FLT4: variants seen among roughly 807,000 people sequenced by gnomAD.
FLT4 encodes fms related receptor tyrosine kinase 4.
FLT4 carries 30 observed loss-of-function variants against 163.2 expected under a neutral mutation model. That is an observed-to-expected ratio of 0.18 (90% CI 0.14 to 0.25). The LOEUF is 0.25. Among genes scored for constraint, FLT4 ranks in the 10% least tolerant of loss-of-function variants. The pLI, the probability that FLT4 is intolerant of heterozygous loss-of-function variation, is 1.00. For missense variants in FLT4, 1,510 were observed against 1,863.8 expected (o/e 0.81, Z 3.50); for synonymous variants, 884 against 789.5 (o/e 1.12, Z -2.01).
chr5:180,626,024 G>C lies in FLT4; in HGVS notation c.1266C>G (p.Pro422=). 6.2e-7 allele frequency: 1 copy of C among 1,612,696 alleles called. No individual in the cohort carries two copies. The highest frequency in any genetic ancestry group is 8.5e-7 in the Non-Finnish European group (1 of 1,179,982). ...ISLELVVNVP[P]QIHEKEASSP... is the part of the protein sequence containing the mutation. ...AGGAGGCCTCCTTCTCATGTATCTG[G>C]GGGGGCACTGTGGGCACACAGATGG... is the stretch of plus-strand genomic sequence containing the variant. The change falls in exon 10 of 30, where the codon CCC becomes CCG. Residue 422 remains proline (P), a synonymous_variant. Coordinates refer to ENST00000261937, the MANE Select transcript of FLT4 (RefSeq NM_182925.5).
In FLT4 at chr5:180,622,924, C is replaced by T. The variant is rs1229844031; in HGVS notation, c.1549-85G>A. The T allele has an allele frequency of 3.4e-5, 18 of 522,604 alleles. No homozygotes were observed. In the Admixed American group the frequency reaches 5.1e-4, roughly 15 times the overall value. 32.4% of individuals were successfully genotyped at this position (522,604 alleles called of 1,614,324 possible). A position where few individuals can be genotyped will look rare whatever the true frequency, so the allele number is the denominator to read the frequency against. ...GTCTTTCTGCAAGGAGGTCGCTGTG[C>T]ACCACCCCCCCCAATCATGGGGGAA... On this transcript the variant is annotated intron_variant, in intron 11 of 29. Coordinates refer to ENST00000261937, the MANE Select transcript of FLT4 (RefSeq NM_182925.5).
intron 28 of FLT4, 45 bp downstream of exon 28, chr5:180,609,860 C>T (rs1330621130): frequency 3.1e-6 from 5 of 1,612,456 alleles, no homozygotes; most frequent in Non-Finnish European, 3.4e-6. Flanking sequence ...GAGGCGGCCC[C>T]AGCCCTGAGC....
chr5:180,616,562 G>C, intron 22 of FLT4, 73 bp from the exon 23 acceptor site: 1 of 1,572,534 alleles, frequency 6.4e-7, no homozygotes, highest in African/African-American at 1.3e-5. Context: ...CGAAACTCCA[G>C]GGTGCCCAAG....
Position 180,608,973 on chromosome 5 carries a change from GC to G in FLT4, c.3887del (p.Gly1296AlafsTer13). On this transcript the variant is annotated frameshift_variant, in exon 29 of 30. Coordinates refer to ENST00000261937, the MANE Select transcript of FLT4 (RefSeq NM_182925.5). LOFTEE classifies it low-confidence loss of function (END_TRUNC). Reference protein sequence around the residue: ...QIESRHRQESGFSCKGPGQNV... With the variant: ...QIESRHRQESXFSCKGPGQNV... ...GAGGCTCACGAAGCCCTTACCTGAAGCCGCTTTCTTGTCTATGCCTGCTCTC... is the reference window on the plus strand; with the variant it reads ...GAGGCTCACGAAGCCCTTACCTGAAGCGCTTTCTTGTCTATGCCTGCTCTC... 6.2e-7 allele frequency: 1 copy of G among 1,613,860 alleles called. No homozygotes were observed. The highest frequency in any genetic ancestry group is 1.3e-5 in the African/African-American group (1 of 75,046).
chr5:180,601,638 G>A lies in FLT4; in HGVS notation c.*1554C>T, dbSNP rs1284374518. 1.3e-5 allele frequency: 3 copies of A among 233,194 alleles called. No individual in the cohort carries two copies. Among genetic ancestry groups the A allele is most frequent in the East Asian group, 1.2e-4 (2 of 16,610 alleles). The allele number at this position is 233,194 out of a possible 1,614,324, so 14.4% of individuals were successfully genotyped here. ...GGTACATGCGTGGGTGGGTAGTGAGGAGAAGGGAGCAGAGGTGCGCGCCAG... is the reference window on the plus strand; with the variant it reads ...GGTACATGCGTGGGTGGGTAGTGAGAAGAAGGGAGCAGAGGTGCGCGCCAG... On this transcript the variant is annotated 3_prime_UTR_variant, in exon 30 of 30. Transcript: ENST00000261937.
In FLT4 at chr5:180,620,520, A is replaced by G. The variant is rs2127811605; in HGVS notation, c.2406+89T>C. On this transcript the variant is annotated intron_variant, in intron 16 of 29. Transcript: ENST00000261937. This position sits in a 1 kb window ranked among gnomAD's most constrained non-coding sequence, Gnocchi z 4.4. ...AGGAAACAAGGCTGCCAGGTGAACT[A>G]GGGCGGGCACCTTATTCTTTATCTT... is the stretch of plus-strand genomic sequence containing the variant. 1 of 1,216,768 alleles carries G rather than the reference A, an allele frequency of 8.2e-7. No individual in the cohort carries two copies. Among genetic ancestry groups the G allele is most frequent in the South Asian group, 1.2e-5 (1 of 81,124 alleles). 75.4% of individuals were successfully genotyped at this position (1,216,768 alleles called of 1,614,324 possible). A position where few individuals can be genotyped will look rare whatever the true frequency, so the allele number is the denominator to read the frequency against.
At chr5:180,617,938 C>T (rs1762794262) in intron 21 of FLT4, among the ~76,000 whole-genome samples, 1 of 39,108 alleles carries the variant, frequency 2.6e-5, no homozygotes, top group African/African-American at 1.0e-4. Context: ...CCCAGAGCAC[C>T]CTCTCCTGCC....
rs2127791354 is a variant in FLT4, at chr5:180,611,391, A to G, written c.3626T>C (p.Ile1209Thr). ...GCTGTCCTCAGCGTCAGCCTGGGCG[A>G]TGTGTAGGGCCATGGTGGACACCTG... The part of the protein sequence containing the change: ...FSQVSTMALH[I>T]AQADAEDSPP... Residue 1209 changes from isoleucine to threonine, a missense_variant, in exon 27 of 30, where the codon ATC becomes ACC. By Grantham distance (89) the Ile-to-Thr change is moderately conservative (BLOSUM62 -1). Coordinates refer to ENST00000261937, the MANE Select transcript of FLT4 (RefSeq NM_182925.5). 1 of 1,613,990 alleles carries G rather than the reference A, an allele frequency of 6.2e-7. No homozygotes were observed. The highest frequency in any genetic ancestry group is 1.3e-5 in the African/African-American group (1 of 75,008).
chr5:180,607,922 C>T (rs1761890623), intron 29 of FLT4: 2 of 600,464 alleles, frequency 3.3e-6, no homozygotes, highest in East Asian at 5.5e-5. Context: ...CTTGAGGGCT[C>T]TTTGGTCAAG....
In FLT4 at chr5:180,602,160, C is replaced by A. The variant is rs1022884873; in HGVS notation, c.*1032G>T. The A allele has an allele frequency of 1.3e-5, 3 of 234,310 alleles. No homozygotes were observed. The highest frequency in any genetic ancestry group is 2.5e-5 in the Non-Finnish European group (3 of 118,908). 14.5% of individuals were successfully genotyped at this position (234,310 alleles called of 1,614,324 possible). ...AATGTCCACTGAGTGCTGGGTGGCA[C>A]AGGGCAATGCTGGGTGGTCCTTTGT... On this transcript the variant is annotated 3_prime_UTR_variant, in exon 30 of 30. Coordinates refer to ENST00000261937, the MANE Select transcript of FLT4 (RefSeq NM_182925.5).
In FLT4 at chr5:180,602,440, C is replaced by A. The variant is rs189061036; in HGVS notation, c.*752G>T. ...TAGACTCAGTACAGCTGTCCCTGGG[C>A]GCCTTCCAGGCTGAATTCGGAAAGC... On this transcript the variant is annotated 3_prime_UTR_variant, in exon 30 of 30. Coordinates refer to ENST00000261937, the MANE Select transcript of FLT4 (RefSeq NM_182925.5). 6 of 391,150 alleles carry A rather than the reference C, an allele frequency of 1.5e-5. No homozygotes were observed. Among genetic ancestry groups the A allele is most frequent in the African/African-American group, 1.2e-4 (6 of 48,498 alleles). The allele number at this position is 391,150 out of a possible 1,614,324, so 24.2% of individuals were successfully genotyped here.
In FLT4 at chr5:180,619,305, G is replaced by C; in HGVS notation, c.2709C>G (p.Ile903Met). 6.2e-7 allele frequency: 1 copy of C among 1,611,296 alleles called. No homozygotes were observed. The highest frequency in any genetic ancestry group is 8.5e-7 in the Non-Finnish European group (1 of 1,179,498). ...LMSELKILIH[I>M]GNHLNVVNLL... Reference sequence around the variant, plus strand: ...GGTTGACCACGTTGAGGTGGTTGCCGATGTGAATGAGGATCTTGAGCTCCG... The same window carrying C: ...GGTTGACCACGTTGAGGTGGTTGCCCATGTGAATGAGGATCTTGAGCTCCG... The change falls in exon 19 of 30, where the codon ATC (isoleucine) becomes ATG (methionine). Residue 903 changes from isoleucine to methionine, a missense_variant. Ile to Met is a conservative substitution (Grantham distance 10). Coordinates refer to ENST00000261937, the MANE Select transcript of FLT4 (RefSeq NM_182925.5).
chr5:180,634,814 G>A (rs1365074757), intron 1 of FLT4, among the ~76,000 whole-genome samples: 1 of 58,862 alleles, frequency 1.7e-5, no homozygotes. Flanking sequence ...GGGTGGATGG[G>A]TGGGTGGGTG....
At position 180,637,204 on chromosome 5, in the gene FLT4, C is replaced by G. The variant is rs559568920; in HGVS notation, c.59-5426G>C. 2.6e-5 allele frequency among the ~76,000 whole-genome samples: 4 copies of G among 152,064 alleles called. No homozygotes were observed. In the South Asian group the frequency reaches 8.3e-4, roughly 32 times the overall value. On this transcript the variant is annotated intron_variant, in intron 1 of 29. Coordinates refer to ENST00000261937, the MANE Select transcript of FLT4 (RefSeq NM_182925.5). Reference sequence around the variant, plus strand: ...AGTTAGCCGGGCACGGTGGTGGGTGCCTGTAGTCCCAGCTACTCGGGAGGC... The same window carrying G: ...AGTTAGCCGGGCACGGTGGTGGGTGGCTGTAGTCCCAGCTACTCGGGAGGC...
intron 26 of FLT4, among the ~76,000 whole-genome samples, chr5:180,612,098 C>T (rs1013970723): frequency 5.9e-5 from 9 of 152,194 alleles, no homozygotes; most frequent in Non-Finnish European, 1.3e-4. Flanking sequence ...AGGAGCACCA[C>T]GTGGGGAGGG....
At position 180,603,171 on chromosome 5, in the gene FLT4, G is replaced by A; in HGVS notation, c.*21C>T. ...TGCCGGGCCTGAACCCCCAAGTGCTGGGGGTCTTGTCCGATGCTGCTTAGT... is the reference window on the plus strand; with the variant it reads ...TGCCGGGCCTGAACCCCCAAGTGCTAGGGGTCTTGTCCGATGCTGCTTAGT... On this transcript the variant is annotated 3_prime_UTR_variant, in exon 30 of 30. Coordinates refer to ENST00000261937, the MANE Select transcript of FLT4 (RefSeq NM_182925.5). The A allele has an allele frequency of 1.2e-6, 2 of 1,612,530 alleles. No individual in the cohort carries two copies. The highest frequency in any genetic ancestry group is 1.1e-5 in the South Asian group (1 of 90,998).
Position 180,616,408 on chromosome 5 carries a change from G to T in FLT4, c.3178C>A (p.Arg1060=). 1 of 1,614,002 alleles carries T rather than the reference G, an allele frequency of 6.2e-7. No homozygotes were observed. The highest frequency in any genetic ancestry group is 8.5e-7 in the Non-Finnish European group (1 of 1,180,002). ...TAGTCGGGGTCTTTGTAGATGTCCC[G>T]GGCAAGGCCAAAGTCACAGATCTTC... ...VVKICDFGLA[R]DIYKDPDYVR... is the part of the protein sequence containing the mutation. The change falls in exon 23 of 30, where the codon CGG becomes AGG. Residue 1060 remains arginine, a synonymous_variant. Transcript: ENST00000261937.
At chr5:180,609,134 G>A (rs958807019) in intron 28 of FLT4, 81 bp from the exon 29 acceptor site, 58 of 1,193,690 alleles carry the variant, frequency 4.9e-5, no homozygotes, top group Admixed American at 2.2e-4. Context: ...AGGAAAGTGC[G>A]GCATGGTCCT....
intron 29 of FLT4, chr5:180,607,854 G>C (rs1761885963): frequency 3.7e-6 from 2 of 538,576 alleles, no homozygotes; most frequent in Non-Finnish European, 6.6e-6. Context: ...AAGGGACATT[G>C]TGAGAAGTGA....
Sources: allele counts gnomAD v4.1 joint callset (sites outside exome capture counted in the v4.1 genomes callset), GRCh38; gene constraint gnomAD v4.1.1; non-coding constraint Gnocchi (gnomAD v3.1); transcripts MANE v1.5; gene names NCBI Gene and HGNC (gene_info 2026-07-23, HGNC 2026-07-21).